The following AP1S3 variants were observed in gnomAD, a reference collection of about 807,000 sequenced individuals.
AP1S3 encodes the protein AP-1 complex subunit sigma-3.
In AP1S3, 10 loss-of-function variants were observed where a neutral mutation model predicts 20.9. The ratio of observed to expected loss-of-function variants is 0.48; its 90% CI spans 0.29 to 0.81. The LOEUF is 0.81. Ranked by LOEUF, AP1S3 falls within the 30% of genes least tolerant of loss-of-function variation. The pLI, the probability that AP1S3 is intolerant of heterozygous loss-of-function variation, is 0.08. For missense variants in AP1S3, 154 were observed against 183.8 expected (o/e 0.84, Z 0.94); for synonymous variants, 41 against 61.5 (o/e 0.67, Z 1.56).
rs372832723 is a variant in AP1S3, at chr2:223,790,831, G to C, written c.4-12962C>G. ...AAATAATCACAACCAGAAATGATAAGAGGGATATCATCACTGACCCCACAG... is the reference window on the plus strand; with the variant it reads ...AAATAATCACAACCAGAAATGATAACAGGGATATCATCACTGACCCCACAG... On this transcript the variant is annotated intron_variant, in intron 1 of 4. Coordinates refer to ENST00000396654, the MANE Select transcript of AP1S3 (RefSeq NM_001039569.2). 1.4e-4 allele frequency among the ~76,000 whole-genome samples: 21 copies of C among 152,178 alleles called. No individual in the cohort carries two copies. The East Asian group carries it at 2.5e-3, about 18-fold the overall frequency.
chr2:223,756,540 T>C lies in AP1S3; in HGVS notation c.*2175A>G. 1.0e-6 allele frequency: 1 copy of C among 985,316 alleles called. No homozygotes were observed. The highest frequency in any genetic ancestry group is 4.7e-5 in the South Asian group (1 of 21,280). The allele number at this position is 985,316 out of a possible 1,614,324, so 61.0% of individuals were successfully genotyped here. ...AAAGTTAAACCACAAAACTGAAGGT[T>C]AGCTAAAGTAAACACAGTGGTCAAT... On this transcript the variant is annotated 3_prime_UTR_variant, in exon 5 of 5. Transcript: ENST00000396654.
chr2:223,805,129 G>A (rs1160335663), intron 1 of AP1S3, among the ~76,000 whole-genome samples: 1 of 152,222 alleles, frequency 6.6e-6, no homozygotes, highest in Non-Finnish European at 1.5e-5. Flanking sequence ...GAATGAAATA[G>A]TGACCACTGC....
At chr2:223,827,015 A>ATAT (rs1446886067) in intron 1 of AP1S3, among the ~76,000 whole-genome samples, 1 of 152,154 alleles carries the variant, frequency 6.6e-6, no homozygotes, top group Non-Finnish European at 1.5e-5. Context: ...AAAATTTTGT[A>ATAT]AGAGGCGGGC....
chr2:223,770,978 CCCCACCTTGGCCT>C (rs1559277203), intron 3 of AP1S3, among the ~76,000 whole-genome samples: 1 of 151,952 alleles, frequency 6.6e-6, no homozygotes, highest in African/African-American at 2.4e-5. Flanking sequence ...AAGTGATCCC[CCCCACCTTGGCCT>C]CCCAAAGTGC....
chr2:223,778,100 AGTTTTTTTTT>A (rs1310317238), intron 1 of AP1S3, among the ~76,000 whole-genome samples: 3 of 151,548 alleles, frequency 2.0e-5, no homozygotes, highest in East Asian at 3.9e-4. Flanking sequence ...GAGAAAAATA[AGTTTTTTTTT>A]GTTTTTTTTG....
intron 1 of AP1S3, among the ~76,000 whole-genome samples, chr2:223,825,185 C>T (rs569627811): frequency 2.0e-5 from 3 of 151,760 alleles, no homozygotes; most frequent in Non-Finnish European, 2.9e-5. Context: ...TGGTGGCGGG[C>T]GCCTGTAGTC....
At chr2:223,826,509 C>G (rs1222250899) in intron 1 of AP1S3, among the ~76,000 whole-genome samples, 1 of 152,126 alleles carries the variant, frequency 6.6e-6, no homozygotes, top group African/African-American at 2.4e-5. Context: ...ATGAGAATCG[C>G]TTGAACCCGG....
In AP1S3 at chr2:223,756,685, C is replaced by T. The variant is rs963405882; in HGVS notation, c.*2030G>A. 5 of 985,228 alleles carry T rather than the reference C, an allele frequency of 5.1e-6. No homozygotes were observed. The African/African-American group carries it at 7.0e-5, about 14-fold the overall frequency. The allele number at this position is 985,228 out of a possible 1,614,324, so 61.0% of individuals were successfully genotyped here. On this transcript the variant is annotated 3_prime_UTR_variant, in exon 5 of 5. Coordinates refer to ENST00000396654, the MANE Select transcript of AP1S3 (RefSeq NM_001039569.2). ...GCTAATCTGAGTTATTTCCTTTGAA[C>T]AATGGTTATATTGAGGAATTGGTGA...
chr2:223,835,475 C>T (rs1411676786), intron 1 of AP1S3, among the ~76,000 whole-genome samples: 1 of 151,998 alleles, frequency 6.6e-6, no homozygotes, highest in Non-Finnish European at 1.5e-5. Flanking sequence ...GCCAACATGG[C>T]AAAACCCCGT....
At chr2:223,773,184 C>A (rs1690674639) in intron 3 of AP1S3, 9 of 906,914 alleles carry the variant, frequency 9.9e-6, no homozygotes, top group Non-Finnish European at 1.2e-5. Context: ...GAAATTTGGT[C>A]AGATAGATTG....
At chr2:223,829,971 A>G (rs994001120) in intron 1 of AP1S3, among the ~76,000 whole-genome samples, 1 of 152,198 alleles carries the variant, frequency 6.6e-6, no homozygotes, top group African/African-American at 2.4e-5. Flanking sequence ...AATATTTACT[A>G]TCTGGCCTTT....
chr2:223,770,501 C>CACACAA (rs1690594734), intron 3 of AP1S3, among the ~76,000 whole-genome samples: 1 of 149,444 alleles, frequency 6.7e-6, no homozygotes, highest in Admixed American at 6.6e-5. Context: ...AGACAATACA[C>CACACAA]ACACACACAC....
chr2:223,815,039 G>T (rs1574722556), intron 1 of AP1S3, among the ~76,000 whole-genome samples: 1 of 152,188 alleles, frequency 6.6e-6, no homozygotes, highest in African/African-American at 2.4e-5. Flanking sequence ...CTCCCAAAGT[G>T]CTGGGATTAT....
chr2:223,797,272 G>T (rs1266685382), intron 1 of AP1S3, among the ~76,000 whole-genome samples: 1 of 152,102 alleles, frequency 6.6e-6, no homozygotes, highest in East Asian at 1.9e-4. Flanking sequence ...CATACAATAG[G>T]GGGTGGAGGA....
intron 3 of AP1S3, chr2:223,773,312 C>T (rs954048937): frequency 1.9e-5 from 25 of 1,304,036 alleles, no homozygotes; most frequent in Non-Finnish European, 2.5e-5. Context: ...AATGCCCAGA[C>T]CTCAAGGAAA....
At chr2:223,829,086 G>A (rs1167941611) in intron 1 of AP1S3, among the ~76,000 whole-genome samples, 1 of 151,940 alleles carries the variant, frequency 6.6e-6, no homozygotes, top group Non-Finnish European at 1.5e-5. Context: ...CACCAGCCTT[G>A]GCCTCCCAAA....
rs1180738191 is a variant in AP1S3, at chr2:223,755,795, G to T, written c.*2920C>A. 1.0e-6 allele frequency: 1 copy of T among 973,530 alleles called. No individual in the cohort carries two copies. Among genetic ancestry groups the T allele is most frequent in the East Asian group, 1.1e-4 (1 of 8,740 alleles). 60.3% of individuals were successfully genotyped at this position (973,530 alleles called of 1,614,324 possible). On this transcript the variant is annotated 3_prime_UTR_variant, in exon 5 of 5. Coordinates refer to ENST00000396654, the MANE Select transcript of AP1S3 (RefSeq NM_001039569.2). The stretch of plus-strand genomic sequence containing the variant: ...ATCTGCCGCCTTGACCTCCCAAAGT[G>T]CTGGGATTACAGGCGTGAGCCACCT...
At chr2:223,816,926 GA>G (rs1198920441) in intron 1 of AP1S3, among the ~76,000 whole-genome samples, 1 of 152,106 alleles carries the variant, frequency 6.6e-6, no homozygotes, top group Non-Finnish European at 1.5e-5. Flanking sequence ...TCAGGAGTTC[GA>G]AACCAGCCTA....
intron 1 of AP1S3, among the ~76,000 whole-genome samples, chr2:223,810,670 C>T (rs1691702130): frequency 6.6e-6 from 1 of 152,078 alleles, no homozygotes; most frequent in South Asian, 2.1e-4. Flanking sequence ...GGAAGCAGTA[C>T]TATTTCCTTT....
Sources: allele counts gnomAD v4.1 joint callset (sites outside exome capture counted in the v4.1 genomes callset), GRCh38; gene constraint gnomAD v4.1.1; transcripts MANE v1.5; gene names NCBI Gene and HGNC (gene_info 2026-07-23, HGNC 2026-07-21).